ITPR1: variants seen among roughly 807,000 people sequenced by gnomAD.
ITPR1 encodes the protein inositol 1,4,5-trisphosphate receptor type 1, also known as inositol 1,4,5-trisphosphate-gated calcium channel ITPR1.
Under a neutral mutation model 318.4 loss-of-function variants are expected in ITPR1, and 96 were observed. That is an observed-to-expected ratio of 0.30 (90% CI 0.26 to 0.36). ITPR1 has a LOEUF of 0.36. Ranked by LOEUF, ITPR1 falls within the 10% of genes least tolerant of loss-of-function variation. The probability of loss-of-function intolerance (pLI) is 1.00; values close to 1 mark genes in which losing one functional copy is unlikely to be tolerated. For missense variants in ITPR1, 2,440 were observed against 3,460.2 expected (o/e 0.71, Z 7.40); for synonymous variants, 1,312 against 1,289.9 (o/e 1.02, Z -0.37).
intron 3 of ITPR1, among the ~76,000 whole-genome samples, chr3:4,519,916 G>A (rs556300135): frequency 8.5e-5 from 13 of 152,212 alleles, no homozygotes; most frequent in Admixed American, 1.3e-4. Context: ...AGTGTCTGGC[G>A]CAGGAGAAGC....
rs2092866893 is a variant in ITPR1, at chr3:4,627,417, T to C, written c.164-346T>C. ...AGGCGGAGGTCGCAGTGAGCCGAGG[T>C]TGTGCCACTGCACTCCAGTCTGGGT... On this transcript the variant is annotated intron_variant, in intron 4 of 61. Transcript: ENST00000649015. 2.0e-5 allele frequency among the ~76,000 whole-genome samples: 3 copies of C among 151,914 alleles called. No individual in the cohort carries two copies. In the South Asian group the frequency reaches 6.2e-4, roughly 32 times the overall value.
At chr3:4,506,176 T>A (rs1304259534) in intron 2 of ITPR1, among the ~76,000 whole-genome samples, 1 of 152,196 alleles carries the variant, frequency 6.6e-6, no homozygotes, top group African/African-American at 2.4e-5. Flanking sequence ...GACTTCCCAT[T>A]ACATTTAGAA....
rs189201631 is a variant in ITPR1, at chr3:4,645,749, G to C, written c.855+21G>C. On this transcript the variant is annotated intron_variant, in intron 10 of 61. Transcript: ENST00000649015. ...TGGAGGTAAGGGTAGGGTGGAGAAA[G>C]GGCTCCTGGGTTTAGAGGATATCAG... 15 of 1,608,312 alleles carry C rather than the reference G, an allele frequency of 9.3e-6. No individual in the cohort carries two copies. The African/African-American group carries it at 1.2e-4, about 13-fold the overall frequency.
chr3:4,667,161 T>C (rs776583177), intron 17 of ITPR1, among the ~76,000 whole-genome samples: 1 of 152,228 alleles, frequency 6.6e-6, no homozygotes, highest in Admixed American at 6.5e-5. Flanking sequence ...TTTTGCTTAA[T>C]TACATTTGTG....
chr3:4,775,449 A>G lies in ITPR1; in HGVS notation c.6180+7A>G. On this transcript the variant is annotated splice_region_variant and intron_variant, in intron 47 of 61. Transcript: ENST00000649015. ...ACCTTGCCATGAGAACCAGGTAATTAAATTTCTGTTTTGGGATGGGGAAAA... is the reference window on the plus strand; with the variant it reads ...ACCTTGCCATGAGAACCAGGTAATTGAATTTCTGTTTTGGGATGGGGAAAA... The G allele has an allele frequency of 6.2e-7, 1 of 1,604,708 alleles. No individual in the cohort carries two copies. Among genetic ancestry groups the G allele is most frequent in the African/African-American group, 1.3e-5 (1 of 74,522 alleles).
At chr3:4,532,700 G>A (rs2083519777) in intron 4 of ITPR1, among the ~76,000 whole-genome samples, 1 of 152,182 alleles carries the variant, frequency 6.6e-6, no homozygotes, top group African/African-American at 2.4e-5. Flanking sequence ...AAGTTGTCAT[G>A]CTCCTGCAAG....
Position 4,658,113 on chromosome 3 carries a change from T to C in ITPR1, c.997-11T>C. The C allele has an allele frequency of 6.2e-7, 1 of 1,602,946 alleles. No individual in the cohort carries two copies. The highest frequency in any genetic ancestry group is 8.5e-7 in the Non-Finnish European group (1 of 1,172,610). On this transcript the variant is annotated splice_polypyrimidine_tract_variant and intron_variant, in intron 12 of 61. Transcript: ENST00000649015. Reference sequence around the variant, plus strand: ...TGCATGGTTCTTGATTTGGTGACTTTACCTCCTCAGGTGGACCCTGATCAG... The same window carrying C: ...TGCATGGTTCTTGATTTGGTGACTTCACCTCCTCAGGTGGACCCTGATCAG...
intron 44 of ITPR1, among the ~76,000 whole-genome samples, chr3:4,746,945 A>G (rs1177965208): frequency 2.0e-5 from 3 of 152,218 alleles, no homozygotes. Flanking sequence ...ATGTAGAGAT[A>G]GAAGTTCTGA....
At chr3:4,839,019 G>C (rs1226660294) in intron 61 of ITPR1, among the ~76,000 whole-genome samples, 1 of 152,192 alleles carries the variant, frequency 6.6e-6, no homozygotes, top group Non-Finnish European at 1.5e-5. Context: ...TTGAGCTGAG[G>C]AATTAGAGTA....
chr3:4,781,801 A>G (rs915024745), intron 49 of ITPR1, among the ~76,000 whole-genome samples: 1 of 152,170 alleles, frequency 6.6e-6, no homozygotes, highest in Non-Finnish European at 1.5e-5. Flanking sequence ...TGGGCAACAT[A>G]GTGAGACCTT....
At chr3:4,730,246 C>G (rs2042815072) in intron 42 of ITPR1, among the ~76,000 whole-genome samples, 2 of 136,892 alleles carry the variant, frequency 1.5e-5, no homozygotes, top group Non-Finnish European at 3.1e-5. Context: ...AAAAACCTTG[C>G]TCTCTGGTTT....
chr3:4,516,479 T>A lies in ITPR1; in HGVS notation c.-13T>A. On this transcript the variant is annotated 5_prime_UTR_variant, in exon 3 of 62. Transcript: ENST00000649015. ...CTGCATATTTTACTTTGTCTAGGAT[T>A]TTCAAGAAAGACATGTCTGACAAAA... The A allele has an allele frequency of 6.6e-7, 1 of 1,504,662 alleles. No individual in the cohort carries two copies. The highest frequency in any genetic ancestry group is 9.1e-7 in the Non-Finnish European group (1 of 1,102,988). The allele number at this position is 1,504,662 out of a possible 1,614,324, so 93.2% of individuals were successfully genotyped here. A position where few individuals can be genotyped will look rare whatever the true frequency, so the allele number is the denominator to read the frequency against.
At chr3:4,523,824 T>G (rs2082753970) in intron 4 of ITPR1, among the ~76,000 whole-genome samples, 1 of 152,180 alleles carries the variant, frequency 6.6e-6, no homozygotes, top group Non-Finnish European at 1.5e-5. Flanking sequence ...GGAGACATGT[T>G]TTTCTGGCAC....
In ITPR1 at chr3:4,730,404, TGTGTGTGTGTGTGTG is replaced by T. The variant is rs1559788515; in HGVS notation, c.5221-2683_5221-2669del. On this transcript the variant is annotated intron_variant, in intron 42 of 61. Transcript: ENST00000649015. ...GTGTGTGTGTGTGTGTGTGTGTGTG[TGTGTGTGTGTGTGTG>T]TTTCCCCCAGAATGAGCACATTTCA... Among the ~76,000 whole-genome samples the T allele has an allele frequency of 4.6e-3, 671 of 147,452 alleles. 8 individuals are homozygous for T. The highest frequency in any genetic ancestry group is 0.015 in the African/African-American group (610 of 40,408).
At chr3:4,676,888 G>T (rs1236335751) in intron 24 of ITPR1, 87 bp downstream of exon 24, 5 of 1,040,460 alleles carry the variant, frequency 4.8e-6, no homozygotes, top group South Asian at 3.3e-5. Flanking sequence ...GGAGCCCAAG[G>T]CTTTCTGGGA....
chr3:4,754,991 C>G (rs547896474), intron 44 of ITPR1, among the ~76,000 whole-genome samples: 1 of 152,102 alleles, frequency 6.6e-6, no homozygotes, highest in African/African-American at 2.4e-5. Context: ...GACTATTGAA[C>G]CCAGAGAAAA....
intron 44 of ITPR1, among the ~76,000 whole-genome samples, chr3:4,764,958 A>C (rs947540461): frequency 2.5e-3 from 339 of 137,688 alleles, no homozygotes; most frequent in African/African-American, 9.7e-3. Flanking sequence ...GGATGGATGG[A>C]TGGATGGATG....
intron 4 of ITPR1, among the ~76,000 whole-genome samples, chr3:4,522,926 G>A (rs548599422): frequency 3.5e-4 from 54 of 152,332 alleles, no homozygotes; most frequent in African/African-American, 1.3e-3. Context: ...GCTGCACAGG[G>A]AGATCACCTG....
chr3:4,720,798 A>G (rs34223228), intron 40 of ITPR1, among the ~76,000 whole-genome samples: 54,341 of 151,412 alleles, frequency 0.36, 10,574 homozygotes, highest in East Asian at 0.75. Context: ...TTCGAGGTAG[A>G]GGGGGAAACA....
Sources: allele counts gnomAD v4.1 joint callset (sites outside exome capture counted in the v4.1 genomes callset), GRCh38; gene constraint gnomAD v4.1.1; transcripts MANE v1.5; gene names NCBI Gene and HGNC (gene_info 2026-07-23, HGNC 2026-07-21).